Variants in RALYL observed in about 807,000 individuals in gnomAD.
RALYL encodes RALY RNA binding protein like, also known as RNA-binding Raly-like protein.
Under a neutral mutation model 35.1 loss-of-function variants are expected in RALYL, and 29 were observed. That is an observed-to-expected ratio of 0.83 (90% CI 0.61 to 1.13). The LOEUF is 1.13. Ranked by LOEUF, RALYL falls within the 50% of genes most tolerant of loss-of-function variation. The pLI is 0.00. For synonymous variants in RALYL, 120 were observed against 127.6 expected (o/e 0.94, Z 0.40); for missense variants, 359 against 360.4 (o/e 1.00, Z 0.03).
At chr8:84,438,806 G>T (rs2048016292) in intron 1 of RALYL, among the ~76,000 whole-genome samples, 1 of 152,088 alleles carries the variant, frequency 6.6e-6, no homozygotes, top group Non-Finnish European at 1.5e-5. Flanking sequence ...CATATAGCTA[G>T]CCTGCTATTC....
intron 2 of RALYL, among the ~76,000 whole-genome samples, chr8:84,708,450 T>C (rs990062567): frequency 1.3e-5 from 2 of 152,128 alleles, no homozygotes; most frequent in Non-Finnish European, 2.9e-5. Flanking sequence ...ATCTTACTTG[T>C]GCAAAACTGC....
chr8:84,667,768 C>A (rs1486421428), intron 2 of RALYL, among the ~76,000 whole-genome samples: 1 of 130,656 alleles, frequency 7.7e-6, no homozygotes, highest in Non-Finnish European at 1.7e-5. Context: ...TAAAATGTAA[C>A]CAACATATCT....
In RALYL at chr8:84,850,034, G is replaced by A; in HGVS notation, c.413+7G>A. ...GAGATGATTTCTACAATCGGTATGT[G>A]AATTTTTCATCCTTGTTTTCCTATG... On this transcript the variant is annotated splice_region_variant and intron_variant, in intron 5 of 8. Coordinates refer to ENST00000521268, the MANE Select transcript of RALYL (RefSeq NM_173848.7). 1.4e-6 allele frequency: 2 copies of A among 1,445,432 alleles called. No homozygotes were observed. The highest frequency in any genetic ancestry group is 1.5e-5 in the South Asian group (1 of 67,778). 89.5% of individuals were successfully genotyped at this position (1,445,432 alleles called of 1,614,324 possible).
intron 7 of RALYL, among the ~76,000 whole-genome samples, chr8:84,875,097 A>T (rs201757554): frequency 8.6e-5 from 13 of 151,832 alleles, no homozygotes; most frequent in Admixed American, 2.0e-4. Context: ...ACTTTTTAAT[A>T]AAAAAAATAG....
chr8:84,783,417 A>T (rs1056986262), intron 3 of RALYL, among the ~76,000 whole-genome samples: 7 of 152,186 alleles, frequency 4.6e-5, no homozygotes, highest in African/African-American at 1.7e-4. Context: ...AGCTAAACAC[A>T]TGCAACCTAT....
intron 1 of RALYL, among the ~76,000 whole-genome samples, chr8:84,367,672 GAC>G (rs1238646703): frequency 6.6e-6 from 1 of 151,994 alleles, no homozygotes; most frequent in East Asian, 1.9e-4. Context: ...TGTGTCACAA[GAC>G]ATAGCAATCT....
intron 1 of RALYL, among the ~76,000 whole-genome samples, chr8:84,257,224 A>ATCTGGTTGCGTGATTCTCACGC (rs1208469098): frequency 1.3e-5 from 2 of 152,048 alleles, no homozygotes. Flanking sequence ...TTGCTGAGAA[A>ATCTGGTTGCGTGATTCTCACGC]AAGATTGCGT....
chr8:84,410,745 G>A (rs999659504), intron 1 of RALYL, among the ~76,000 whole-genome samples: 2 of 151,622 alleles, frequency 1.3e-5, no homozygotes, highest in Non-Finnish European at 3.0e-5. Flanking sequence ...TTCTATGTTT[G>A]ATAAAGTTGC....
At chr8:84,586,752 C>T (rs1345134850) in intron 2 of RALYL, among the ~76,000 whole-genome samples, 1 of 151,918 alleles carries the variant, frequency 6.6e-6, no homozygotes, top group African/African-American at 2.4e-5. Flanking sequence ...AAGGTCAATC[C>T]CATATACTTA....
intron 2 of RALYL, among the ~76,000 whole-genome samples, chr8:84,720,328 G>A (rs993443262): frequency 2.0e-5 from 3 of 152,054 alleles, no homozygotes; most frequent in African/African-American, 7.2e-5. Flanking sequence ...AAATAGAAAA[G>A]ATAACCCAGA....
chr8:84,422,489 C>CA (rs1300003417), intron 1 of RALYL, among the ~76,000 whole-genome samples: 1 of 91,780 alleles, frequency 1.1e-5, no homozygotes, highest in Non-Finnish European at 2.1e-5. Flanking sequence ...TTGATCCTTT[C>CA]AAAAAACCAG....
intron 6 of RALYL, among the ~76,000 whole-genome samples, chr8:84,864,162 C>T (rs538367878): frequency 6.6e-6 from 1 of 151,752 alleles, no homozygotes; most frequent in African/African-American, 2.4e-5. Context: ...TGGTAAATCA[C>T]ACATGAGGTT....
intron 2 of RALYL, among the ~76,000 whole-genome samples, chr8:84,729,099 AC>A (rs779561326): frequency 6.5e-4 from 99 of 152,220 alleles, no homozygotes; most frequent in Middle Eastern, 3.4e-3. Context: ...GATTCTTCCT[AC>A]CCATGAGCAT....
chr8:84,546,696 T>C (rs1174698893), intron 2 of RALYL, among the ~76,000 whole-genome samples: 1 of 152,222 alleles, frequency 6.6e-6, no homozygotes, highest in Non-Finnish European at 1.5e-5. Context: ...TCTGGCACAA[T>C]ATGAATTCCT....
chr8:84,382,359 C>T (rs1858198242), intron 1 of RALYL, among the ~76,000 whole-genome samples: 1 of 151,472 alleles, frequency 6.6e-6, no homozygotes, highest in East Asian at 1.9e-4. Flanking sequence ...AATAAATGTT[C>T]ATCTTGCAAA....
At chr8:84,516,018 G>C (rs995887542) in intron 1 of RALYL, among the ~76,000 whole-genome samples, 6 of 150,486 alleles carry the variant, frequency 4.0e-5, no homozygotes, top group African/African-American at 1.5e-4. Context: ...TCGGGGGCAG[G>C]GTAGGGGGCG....
intron 1 of RALYL, among the ~76,000 whole-genome samples, chr8:84,328,319 T>C (rs1316614479): frequency 1.3e-5 from 2 of 152,196 alleles, no homozygotes; most frequent in African/African-American, 4.8e-5. Context: ...ACTTGAAGCC[T>C]TTTAAGTGCT....
At chr8:84,285,559 G>A (rs572699097) in intron 1 of RALYL, among the ~76,000 whole-genome samples, 1 of 152,270 alleles carries the variant, frequency 6.6e-6, no homozygotes, top group Non-Finnish European at 1.5e-5. Flanking sequence ...GGATGGTGGA[G>A]CGGGGGCATT....
chr8:84,653,797 T>C (rs755946596), intron 2 of RALYL, among the ~76,000 whole-genome samples: 1 of 151,934 alleles, frequency 6.6e-6, no homozygotes, highest in African/African-American at 2.4e-5. Context: ...AAATAAGGTG[T>C]GTTAGAATGT....
Sources: allele counts gnomAD v4.1 joint callset (sites outside exome capture counted in the v4.1 genomes callset), GRCh38; gene constraint gnomAD v4.1.1; transcripts MANE v1.5; gene names NCBI Gene and HGNC (gene_info 2026-07-23, HGNC 2026-07-21).